Variants in ANOS1 observed in about 807,000 individuals in gnomAD.
ANOS1 encodes the protein anosmin 1.
In ANOS1, 6 loss-of-function variants were observed where a neutral mutation model predicts 59.0. The ratio of observed to expected loss-of-function variants is 0.10; its 90% CI spans 0.06 to 0.20. The LOEUF (loss-of-function observed/expected upper bound fraction) is 0.20. Ranked by LOEUF, ANOS1 falls within the 10% of genes least tolerant of loss-of-function variation. The pLI is 1.00. For synonymous variants in ANOS1, 217 were observed against 223.4 expected, an observed-to-expected ratio of 0.97 and a Z score of 0.25; for missense variants, 433 against 542.3, an observed-to-expected ratio of 0.80 and a Z score of 2.00.
intron 3 of ANOS1, among the ~76,000 whole-genome samples, chrX:8,604,118 C>T (rs1002607052): frequency 2.1e-4 from 24 of 111,739 alleles, no homozygotes; most frequent in African/African-American, 5.8e-4. Context: ...TAACATAGCC[C>T]AAATCACAAA....
intron 2 of ANOS1, among the ~76,000 whole-genome samples, chrX:8,683,366 T>C (rs750381425): frequency 9.9e-5 from 11 of 111,064 alleles, no homozygotes; most frequent in South Asian, 3.9e-4. Flanking sequence ...CACTAGTAAG[T>C]AACTCGGCCC....
At position 8,589,029 on chromosome X, in the gene ANOS1, G is replaced by T. The variant is rs1342405489; in HGVS notation, c.542-1051C>A. On this transcript the variant is annotated intron_variant, in intron 4 of 13. Transcript: ENST00000262648. ...CCATTTTGTAAGTTTAAACACAGAAGAAACTGGAAAATGTGCAAACACCAA... is the reference window on the plus strand; with the variant it reads ...CCATTTTGTAAGTTTAAACACAGAATAAACTGGAAAATGTGCAAACACCAA... Among the ~76,000 whole-genome samples, 3 of 112,374 alleles carry T rather than the reference G, an allele frequency of 2.7e-5. No individual in the cohort carries two copies. The East Asian group carries it at 8.3e-4, about 31-fold the overall frequency.
At chrX:8,719,353 G>A (rs752987323) in intron 1 of ANOS1, among the ~76,000 whole-genome samples, 32 of 112,082 alleles carry the variant, frequency 2.9e-4, no homozygotes, top group Admixed American at 5.7e-4. Context: ...CCCTATTAGA[G>A]ATTTAAACAA....
intron 6 of ANOS1, among the ~76,000 whole-genome samples, chrX:8,576,335 ACGTTATGAAG>A (rs1444830312): frequency 2.7e-5 from 3 of 110,932 alleles, no homozygotes; most frequent in Non-Finnish European, 5.7e-5. Context: ...TTGGTTCCCT[ACGTTATGAAG>A]CAAGGTGTAT....
intron 3 of ANOS1, among the ~76,000 whole-genome samples, chrX:8,621,186 A>C (rs1396935814): frequency 9.1e-6 from 1 of 110,266 alleles, no homozygotes; most frequent in Non-Finnish European, 1.9e-5. Flanking sequence ...GCTAACACGC[A>C]AAACTCCTGT....
intron 2 of ANOS1, among the ~76,000 whole-genome samples, chrX:8,668,424 T>TACAC (rs1195026481): frequency 9.9e-5 from 8 of 81,114 alleles, no homozygotes; most frequent in East Asian, 7.1e-4. Flanking sequence ...TATATATATA[T>TACAC]ATATATACAC....
intron 2 of ANOS1, among the ~76,000 whole-genome samples, chrX:8,661,933 A>C (rs1379005653): frequency 8.9e-6 from 1 of 112,139 alleles, no homozygotes; most frequent in Non-Finnish European, 1.9e-5. Flanking sequence ...GAGGGTTTAA[A>C]ACACTCCAAT....
At chrX:8,560,644 C>G (rs182979214) in intron 8 of ANOS1, among the ~76,000 whole-genome samples, 37 of 112,283 alleles carry the variant, frequency 3.3e-4, no homozygotes, top group Middle Eastern at 4.6e-3. Context: ...ACACTGAAGA[C>G]GAAAAAACCA....
At chrX:8,672,659 T>G (rs1932276212) in intron 2 of ANOS1, among the ~76,000 whole-genome samples, 1 of 111,473 alleles carries the variant, frequency 9.0e-6, no homozygotes, top group South Asian at 3.8e-4. Context: ...AGAGACACCC[T>G]CCGCACTCTG....
chrX:8,582,228 C>T (rs772269376), intron 6 of ANOS1, among the ~76,000 whole-genome samples: 22 of 112,184 alleles, frequency 2.0e-4, no homozygotes, highest in Non-Finnish European at 3.8e-4. Flanking sequence ...ACACGGGCAA[C>T]GTGGATTTGT....
At chrX:8,680,194 T>G in intron 2 of ANOS1, among the ~76,000 whole-genome samples, 1 of 103,513 alleles carries the variant, frequency 9.7e-6, no homozygotes, top group Admixed American at 1.0e-4. Flanking sequence ...AAGGCTTTCA[T>G]GGTAAATTTT....
intron 4 of ANOS1, among the ~76,000 whole-genome samples, chrX:8,588,988 T>A (rs910887134): frequency 2.7e-5 from 3 of 112,511 alleles, no homozygotes; most frequent in African/African-American, 9.7e-5. Context: ...TAGTTAAGAA[T>A]GCTCTATTTC....
intron 2 of ANOS1, among the ~76,000 whole-genome samples, chrX:8,693,244 A>C (rs958808033): frequency 1.8e-5 from 2 of 111,834 alleles, no homozygotes; most frequent in African/African-American, 6.5e-5. Flanking sequence ...TGAAGCGCAC[A>C]ATGAAAGAAT....
chrX:8,626,471 C>T (rs1406325765), intron 2 of ANOS1, among the ~76,000 whole-genome samples: 1 of 111,549 alleles, frequency 9.0e-6, no homozygotes, highest in African/African-American at 3.3e-5. Context: ...AGTTACAGTG[C>T]TTACTTCTCT....
rs752024330 is a variant in ANOS1, at chrX:8,638,966, T to A, written c.256-15296A>T. The stretch of plus-strand genomic sequence containing the variant: ...GAAAATGATTCTTATTGAAGACATG[T>A]ACGTTTCCTTTATCAGAGAGAAAGG... On this transcript the variant is annotated intron_variant, in intron 2 of 13. Coordinates refer to ENST00000262648, the MANE Select transcript of ANOS1 (RefSeq NM_000216.4). Among the ~76,000 whole-genome samples, 3 of 111,423 alleles carry A rather than the reference T, an allele frequency of 2.7e-5. No individual in the cohort carries two copies. In the South Asian group the frequency reaches 1.2e-3, roughly 43 times the overall value.
At chrX:8,678,845 A>G (rs1410922173) in intron 2 of ANOS1, among the ~76,000 whole-genome samples, 1 of 112,006 alleles carries the variant, frequency 8.9e-6, no homozygotes, top group East Asian at 2.8e-4. Context: ...GAGCCCCAAC[A>G]GTTGTAATCC....
chrX:8,643,993 C>T (rs1465878617), intron 2 of ANOS1, among the ~76,000 whole-genome samples: 1 of 111,124 alleles, frequency 9.0e-6, no homozygotes, highest in Non-Finnish European at 1.9e-5. Flanking sequence ...TATCTCATGC[C>T]TCCCTAAAAT....
At chrX:8,652,038 G>A (rs759514068) in intron 2 of ANOS1, among the ~76,000 whole-genome samples, 5 of 111,756 alleles carry the variant, frequency 4.5e-5, no homozygotes, top group African/African-American at 1.6e-4. Context: ...TACATCTCCT[G>A]GGCTCAAGCA....
intron 1 of ANOS1, among the ~76,000 whole-genome samples, chrX:8,706,516 A>C (rs1442367101): frequency 8.9e-6 from 1 of 111,991 alleles, no homozygotes; most frequent in Non-Finnish European, 1.9e-5. Context: ...ACCATACAAC[A>C]CCAAAAGTGA....
Sources: allele counts gnomAD v4.1 joint callset (sites outside exome capture counted in the v4.1 genomes callset), GRCh38; gene constraint gnomAD v4.1.1; transcripts MANE v1.5; gene names NCBI Gene and HGNC (gene_info 2026-07-23, HGNC 2026-07-21).